Variants in SLC35F3 observed in about 807,000 individuals in gnomAD.
The protein encoded by SLC35F3 is solute carrier family 35 member F3.
Under a neutral mutation model 49.9 loss-of-function variants are expected in SLC35F3, and 25 were observed. The ratio of observed to expected loss-of-function variants is 0.50; its 90% CI spans 0.37 to 0.70. SLC35F3 has a LOEUF of 0.70. Among genes scored for constraint, SLC35F3 ranks in the 30% least tolerant of loss-of-function variants. SLC35F3 has a pLI of 0.00. For synonymous variants in SLC35F3, 275 were observed against 265.4 expected, an observed-to-expected ratio of 1.04 and a Z score of -0.35; for missense variants, 525 against 639.8, an observed-to-expected ratio of 0.82 and a Z score of 1.94.
At chr1:234,007,405 A>T (rs1408363457) in intron 2 of SLC35F3, among the ~76,000 whole-genome samples, 1 of 152,172 alleles carries the variant, frequency 6.6e-6, no homozygotes, top group Non-Finnish European at 1.5e-5. Context: ...CCCAGGGCCA[A>T]GTTCCTCCTG....
At chr1:234,085,640 G>T (rs1297638140) in intron 2 of SLC35F3, among the ~76,000 whole-genome samples, 2 of 152,142 alleles carry the variant, frequency 1.3e-5, no homozygotes, top group South Asian at 2.1e-4. Flanking sequence ...GGATATAAAG[G>T]TCATAAACCT....
At chr1:233,953,667 A>G (rs1662646492) in intron 2 of SLC35F3, among the ~76,000 whole-genome samples, 1 of 149,936 alleles carries the variant, frequency 6.7e-6, no homozygotes, top group Non-Finnish European at 1.5e-5. Context: ...AAGAAGATTT[A>G]GGAGAGAAGT....
chr1:234,128,935 G>C (rs1665689858), intron 2 of SLC35F3, among the ~76,000 whole-genome samples: 1 of 152,164 alleles, frequency 6.6e-6, no homozygotes, highest in Non-Finnish European at 1.5e-5. Flanking sequence ...AGTTGCTCTT[G>C]AAAAATCAAT....
intron 2 of SLC35F3, among the ~76,000 whole-genome samples, chr1:234,223,498 C>T (rs973039055): frequency 6.7e-6 from 1 of 150,216 alleles, no homozygotes; most frequent in African/African-American, 2.5e-5. Context: ...TCACAACTCT[C>T]ATGTTTTCTC....
intron 2 of SLC35F3, among the ~76,000 whole-genome samples, chr1:234,111,410 G>A (rs577508693): frequency 6.6e-6 from 1 of 152,288 alleles, no homozygotes; most frequent in African/African-American, 2.4e-5. Context: ...TCCTGCCTCA[G>A]CCTCCTGAGT....
chr1:234,128,400 G>C (rs934212884), intron 2 of SLC35F3, among the ~76,000 whole-genome samples: 2 of 152,200 alleles, frequency 1.3e-5, no homozygotes, highest in Non-Finnish European at 2.9e-5. Flanking sequence ...CTGACCAGGG[G>C]TGAAGCAGGG....
intron 2 of SLC35F3, among the ~76,000 whole-genome samples, chr1:233,997,125 C>G (rs566455956): frequency 6.6e-6 from 1 of 152,244 alleles, no homozygotes; most frequent in African/African-American, 2.4e-5. Flanking sequence ...TGCATATATA[C>G]ACCACAATTT....
rs574018980 is a variant in SLC35F3, at chr1:234,268,390, C to T, written c.608+36649C>T. On this transcript the variant is annotated intron_variant, in intron 3 of 7. Transcript: ENST00000366618. ...ATCAGGCAGGGAGGTTGCAGTGAGC[C>T]GAGATGGCAGCAGTACCGTCCAGCT... Among the ~76,000 whole-genome samples the T allele has an allele frequency of 5.0e-3, 753 of 151,868 alleles. 4 individuals are homozygous for T. The highest frequency in any genetic ancestry group is 0.012 in the Admixed American group (190 of 15,276).
chr1:233,923,993 C>T (rs997812284), intron 2 of SLC35F3, among the ~76,000 whole-genome samples: 1 of 152,178 alleles, frequency 6.6e-6, no homozygotes, highest in African/African-American at 2.4e-5. Context: ...AGGGATGAAG[C>T]CAACTCGATC....
chr1:233,999,442 C>T (rs1012175144), intron 2 of SLC35F3, among the ~76,000 whole-genome samples: 1 of 152,176 alleles, frequency 6.6e-6, no homozygotes, highest in Non-Finnish European at 1.5e-5. Flanking sequence ...CCAAGGGCTC[C>T]TTATTTCCTG....
At chr1:234,316,215 A>T (rs1333300038) in intron 4 of SLC35F3, among the ~76,000 whole-genome samples, 1 of 152,202 alleles carries the variant, frequency 6.6e-6, no homozygotes, top group Non-Finnish European at 1.5e-5. Flanking sequence ...GCTGGGGAAG[A>T]ACTCAGGTCA....
At chr1:234,159,106 A>G (rs1331343018) in intron 2 of SLC35F3, among the ~76,000 whole-genome samples, 2 of 152,202 alleles carry the variant, frequency 1.3e-5, no homozygotes, top group Non-Finnish European at 2.9e-5. Context: ...GAATTTTCTC[A>G]GTGCAAGACT....
intron 2 of SLC35F3, among the ~76,000 whole-genome samples, chr1:234,144,069 C>T (rs1665959960): frequency 6.7e-6 from 1 of 149,010 alleles, no homozygotes; most frequent in Non-Finnish European, 1.5e-5. Flanking sequence ...GCTGGTACTC[C>T]AGGGAAAGAG....
At chr1:233,951,015 A>G (rs1662598566) in intron 2 of SLC35F3, among the ~76,000 whole-genome samples, 1 of 152,080 alleles carries the variant, frequency 6.6e-6, no homozygotes, top group Non-Finnish European at 1.5e-5. Flanking sequence ...CAGTTTGAGA[A>G]GGAAGGAGAA....
intron 2 of SLC35F3, among the ~76,000 whole-genome samples, chr1:234,087,792 T>G (rs1267694900): frequency 2.6e-5 from 4 of 152,172 alleles, no homozygotes; most frequent in African/African-American, 7.2e-5. Flanking sequence ...CTCTGCCCTC[T>G]CTGTTACAGC....
chr1:233,954,214 G>C (rs1405559909), intron 2 of SLC35F3, among the ~76,000 whole-genome samples: 1 of 152,142 alleles, frequency 6.6e-6, no homozygotes, highest in Non-Finnish European at 1.5e-5. Context: ...CGCCGTGTTA[G>C]CCAGGATGGT....
intron 2 of SLC35F3, among the ~76,000 whole-genome samples, chr1:233,915,089 T>C (rs374504771): frequency 2.0e-5 from 3 of 152,264 alleles, no homozygotes; most frequent in Admixed American, 2.0e-4. Context: ...TCAGTGCAAC[T>C]GCTCAGAACA....
At chr1:234,253,579 G>A (rs1225787832) in intron 3 of SLC35F3, among the ~76,000 whole-genome samples, 3 of 152,042 alleles carry the variant, frequency 2.0e-5, no homozygotes, top group Admixed American at 2.0e-4. Context: ...AGGGCAAATG[G>A]TTAAATGCAT....
intron 2 of SLC35F3, among the ~76,000 whole-genome samples, chr1:234,120,217 T>A (rs1165343210): frequency 6.6e-6 from 1 of 152,236 alleles, no homozygotes; most frequent in African/African-American, 2.4e-5. Context: ...CGGCTTACAT[T>A]CTTATCACTA....
Sources: gnomAD v4.1 joint callset for allele counts (sites outside exome capture counted in the v4.1 genomes callset) on GRCh38, gnomAD v4.1.1 for gene constraint, MANE v1.5 for transcripts, NCBI Gene and HGNC (gene_info 2026-07-23, HGNC 2026-07-21) for gene names.